Variants in KCNIP1 observed in about 807,000 individuals in gnomAD.
KCNIP1 encodes potassium voltage-gated channel interacting protein 1.
In KCNIP1, 18 loss-of-function variants were observed where a neutral mutation model predicts 33.0. That is an observed-to-expected ratio of 0.55 (90% CI 0.38 to 0.81). The LOEUF is 0.81. KCNIP1 is among the 30% of genes least tolerant of loss of function. The probability of loss-of-function intolerance (pLI) is 0.00; values close to 1 mark genes in which losing one functional copy is unlikely to be tolerated. For synonymous variants in KCNIP1, 93 were observed against 98.3 expected, an observed-to-expected ratio of 0.95 and a Z score of 0.32; for missense variants, 238 against 271.6, an observed-to-expected ratio of 0.88 and a Z score of 0.87.
rs1046511986 is a variant in KCNIP1 at position 170,442,549 on chromosome 5, T to C, written c.88+88585T>C. Reference sequence around the variant, plus strand: ...GATGAGTTTCTCCAGGGAAAGGCCTTCTAGCTCCGCCCTGCCCTGTCTGGC... The same window carrying C: ...GATGAGTTTCTCCAGGGAAAGGCCTCCTAGCTCCGCCCTGCCCTGTCTGGC... On this transcript the variant is annotated intron_variant, in intron 1 of 7. Coordinates refer to the KCNIP1 transcript ENST00000377360. Among the ~76,000 whole-genome samples, 4 of 152,120 alleles carry C rather than the reference T, an allele frequency of 2.6e-5. 1 individual carries two copies. The highest frequency in any genetic ancestry group is 4.1e-4 in the South Asian group (2 of 4,824).
At chr5:170,414,632 C>G (rs1375492176) in intron 1 of KCNIP1, among the ~76,000 whole-genome samples, 3 of 152,216 alleles carry the variant, frequency 2.0e-5, no homozygotes, top group Non-Finnish European at 4.4e-5. Flanking sequence ...CAATTAAACT[C>G]TTTCAAATTT....
chr5:170,449,392 T>C (rs1401766574), intron 1 of KCNIP1, among the ~76,000 whole-genome samples: 4 of 152,172 alleles, frequency 2.6e-5, no homozygotes, highest in Admixed American at 2.6e-4. Context: ...CACACACCCT[T>C]GGACCACAGT....
chr5:170,546,679 C>CT (rs903772205), intron 1 of KCNIP1, among the ~76,000 whole-genome samples: 2 of 151,430 alleles, frequency 1.3e-5, no homozygotes, highest in East Asian at 1.9e-4. Context: ...TGCGGCTTTT[C>CT]TTTTTTTTTC....
At chr5:170,530,227 A>G (rs1259334296) in intron 1 of KCNIP1, among the ~76,000 whole-genome samples, 6 of 152,222 alleles carry the variant, frequency 3.9e-5, no homozygotes, top group Non-Finnish European at 5.9e-5. Context: ...AAATCAAAAC[A>G]TGGAAGGTTG....
At chr5:170,728,766 G>A (rs111340135) in intron 5 of KCNIP1, among the ~76,000 whole-genome samples, 2 of 152,156 alleles carry the variant, frequency 1.3e-5, no homozygotes, top group African/African-American at 4.8e-5. Context: ...AATCAAAATG[G>A]AAGTGTTATT....
chr5:170,532,610 C>T (rs1488796979), intron 1 of KCNIP1, among the ~76,000 whole-genome samples: 3 of 152,162 alleles, frequency 2.0e-5, no homozygotes, highest in African/African-American at 4.8e-5. Flanking sequence ...GGTCAACTGG[C>T]CCTGCCTCAG....
In KCNIP1 at chr5:170,572,000, C is replaced by A. The variant is rs182972306; in HGVS notation, c.61+67367C>A. The stretch of plus-strand genomic sequence containing the variant: ...TATCTCTACTATAAGACAAATAGCA[C>A]CCTACGCACAGTAATGACAGCCCAA... On this transcript the variant is annotated intron_variant, in intron 1 of 7. Coordinates refer to ENST00000328939, the MANE Select transcript of KCNIP1 (RefSeq NM_014592.4). Among the ~76,000 whole-genome samples the A allele has an allele frequency of 5.2e-3, 795 of 152,172 alleles. 7 individuals are homozygous for A. The highest frequency in any genetic ancestry group is 0.018 in the African/African-American group (746 of 41,518).
chr5:170,689,439 T>C (rs2113811774), intron 1 of KCNIP1, among the ~76,000 whole-genome samples: 1 of 152,324 alleles, frequency 6.6e-6, no homozygotes, highest in East Asian at 1.9e-4. Context: ...AGTCTCCATT[T>C]GACAGATAAG....
intron 1 of KCNIP1, among the ~76,000 whole-genome samples, chr5:170,642,899 C>T (rs768597764): frequency 1.3e-4 from 20 of 152,242 alleles, no homozygotes; most frequent in Non-Finnish European, 2.4e-4. Context: ...GAAACTGAGG[C>T]TCTAAGAGGT....
intron 1 of KCNIP1, among the ~76,000 whole-genome samples, chr5:170,390,488 G>T (rs1764673750): frequency 1.0e-5 from 1 of 96,804 alleles, no homozygotes; most frequent in African/African-American, 4.7e-5. Flanking sequence ...CCTGAACAGA[G>T]CGAGACCCCG....
chr5:170,456,700 T>TC (rs761734655), intron 1 of KCNIP1, among the ~76,000 whole-genome samples: 1,735 of 50,292 alleles, frequency 0.034, 24 homozygotes, highest in South Asian at 0.092. Flanking sequence ...TCTCTCTCTC[T>TC]TTTTCTTTCT....
intron 1 of KCNIP1, among the ~76,000 whole-genome samples, chr5:170,550,581 G>C (rs1296503965): frequency 1.3e-5 from 2 of 151,780 alleles, no homozygotes; most frequent in African/African-American, 4.8e-5. Flanking sequence ...TGATGGTGAT[G>C]ATGATGGCAA....
chr5:170,720,325 G>T lies in KCNIP1; in HGVS notation c.191G>T (p.Cys64Phe), dbSNP rs1025610760. 1 of 1,612,846 alleles carries T rather than the reference G, an allele frequency of 6.2e-7. No individual in the cohort carries two copies. The highest frequency in any genetic ancestry group is 2.2e-5 in the East Asian group (1 of 44,844). Residue 64 changes from cysteine (C) to phenylalanine (F), a missense_variant, in exon 3 of 8, where the codon TGC (cysteine) becomes TTC (phenylalanine). By Grantham distance (205) the Cys-to-Phe change is radical. Coordinates refer to ENST00000328939, the MANE Select transcript of KCNIP1 (RefSeq NM_014592.4). Reference sequence around the variant, plus strand: ...GACTCTCTCCCCTTCCCACAGGAGTGCCCCAGTGGTGTGGTCAACGAAGAC... The same window carrying T: ...GACTCTCTCCCCTTCCCACAGGAGTTCCCCAGTGGTGTGGTCAACGAAGAC... ...QVLYRGFKNECPSGVVNEDTF... is the reference protein window; with the variant it reads ...QVLYRGFKNEFPSGVVNEDTF...
At chr5:170,480,354 A>G (rs1756950188) in intron 1 of KCNIP1, among the ~76,000 whole-genome samples, 1 of 147,040 alleles carries the variant, frequency 6.8e-6, no homozygotes, top group Non-Finnish European at 1.5e-5. Flanking sequence ...GTGTCTCCCA[A>G]CATTATTGCA....
chr5:170,679,783 T>C (rs1581489934), intron 1 of KCNIP1, among the ~76,000 whole-genome samples: 2 of 152,092 alleles, frequency 1.3e-5, no homozygotes, highest in East Asian at 3.9e-4. Flanking sequence ...TACATGGATG[T>C]GCCACATTAT....
intron 1 of KCNIP1, chr5:170,378,893 C>T: frequency 6.2e-7 from 1 of 1,614,248 alleles, no homozygotes; most frequent in Non-Finnish European, 8.5e-7. Flanking sequence ...AGACCTGCTG[C>T]TCTTGGAATT....
At chr5:170,589,818 T>TGCGGTGCGGTGCGGTGC (rs781618647) in intron 1 of KCNIP1, among the ~76,000 whole-genome samples, 1 of 37,248 alleles carries the variant, frequency 2.7e-5, no homozygotes, top group Non-Finnish European at 7.4e-5. Context: ...CGGTGCGGTG[T>TGCGGTGCGGTGCGGTGC]GGTGTGGTAT....
chr5:170,628,146 T>C (rs903524444), intron 1 of KCNIP1, among the ~76,000 whole-genome samples: 1 of 152,128 alleles, frequency 6.6e-6, no homozygotes, highest in African/African-American at 2.4e-5. Flanking sequence ...GTCTTCAGGG[T>C]AGCGTGTGGC....
At chr5:170,411,916 G>T (rs1028024925) in intron 1 of KCNIP1, among the ~76,000 whole-genome samples, 3 of 152,154 alleles carry the variant, frequency 2.0e-5, no homozygotes, top group African/African-American at 7.2e-5. Flanking sequence ...AGGCTCCCAG[G>T]GTAGATGGAG....
Sources: gnomAD v4.1 joint callset for allele counts (sites outside exome capture counted in the v4.1 genomes callset) on GRCh38, gnomAD v4.1.1 for gene constraint, MANE v1.5 for transcripts, NCBI Gene and HGNC (gene_info 2026-07-23, HGNC 2026-07-21) for gene names.